The following LRMDA variants were observed in gnomAD, a reference collection of about 807,000 sequenced individuals.
LRMDA encodes the protein leucine rich melanocyte differentiation associated, also known as leucine-rich melanocyte differentiation-associated protein.
In LRMDA, 18 loss-of-function variants were observed where a neutral mutation model predicts 29.8. The ratio of observed to expected loss-of-function variants is 0.60; its 90% confidence interval spans 0.42 to 0.90. The LOEUF is 0.90. LRMDA is among the 40% of genes least tolerant of loss of function. The pLI, the probability that LRMDA is intolerant of heterozygous loss-of-function variation, is 0.00. For missense variants in LRMDA, 273 were observed against 273.9 expected (o/e 1.00, Z 0.02); for synonymous variants, 125 against 109.4 (o/e 1.14, Z -0.89).
intron 2 of LRMDA, among the ~76,000 whole-genome samples, chr10:75,809,748 A>G (rs1843923807): frequency 6.6e-6 from 1 of 152,200 alleles, no homozygotes; most frequent in African/African-American, 2.4e-5. Context: ...CAGTGGAAGG[A>G]TGTTGACTGA....
At chr10:76,165,173 A>G (rs921858931) in intron 5 of LRMDA, among the ~76,000 whole-genome samples, 2 of 152,108 alleles carry the variant, frequency 1.3e-5, no homozygotes, top group Admixed American at 1.3e-4. Context: ...GGGTTTCACT[A>G]TGTTGGCCAG....
At chr10:76,263,833 G>A (rs1839972518) in intron 5 of LRMDA, among the ~76,000 whole-genome samples, 1 of 152,106 alleles carries the variant, frequency 6.6e-6, no homozygotes, top group Admixed American at 6.5e-5. Context: ...ATGTTACAGT[G>A]GCAAAACCTC....
intron 2 of LRMDA, among the ~76,000 whole-genome samples, chr10:75,761,794 G>GC (rs1316294605): frequency 1.6e-5 from 2 of 121,712 alleles, no homozygotes; most frequent in Non-Finnish European, 3.4e-5. Context: ...GTATACTTTT[G>GC]TTTTTTTTTT....
intron 2 of LRMDA, among the ~76,000 whole-genome samples, chr10:75,707,618 C>G (rs903748260): frequency 1.3e-5 from 2 of 152,162 alleles, no homozygotes; most frequent in Non-Finnish European, 2.9e-5. Context: ...TGTCTTCTCC[C>G]CTTTGAGGCT....
intron 6 of LRMDA, among the ~76,000 whole-genome samples, chr10:76,480,062 C>T (rs1842720222): frequency 6.6e-6 from 1 of 151,904 alleles, no homozygotes; most frequent in Non-Finnish European, 1.5e-5. Flanking sequence ...TTAGGTTGAT[C>T]ATTATTATCC....
At position 75,939,937 on chromosome 10, in the gene LRMDA, C is replaced by G. The variant is rs145134347; in HGVS notation, c.132-96071C>G. 1.8e-4 allele frequency among the ~76,000 whole-genome samples: 27 copies of G among 152,236 alleles called. 1 individual carries two copies. Among genetic ancestry groups the G allele is most frequent in the East Asian group, 1.4e-3 (7 of 5,174 alleles). ...TGACATGTTTGTACCAACACACGTG[C>G]CTTTAGCAGAAGAAAGATAACATCA... On this transcript the variant is annotated intron_variant, in intron 2 of 6. Coordinates refer to ENST00000611255, the MANE Select transcript of LRMDA (RefSeq NM_001305581.2).
At chr10:75,994,840 C>T (rs1037446199) in intron 2 of LRMDA, among the ~76,000 whole-genome samples, 2 of 152,224 alleles carry the variant, frequency 1.3e-5, no homozygotes, top group African/African-American at 2.4e-5. Context: ...ACTCAACATA[C>T]AGCTGTCTGG....
At chr10:75,724,250 C>T (rs1332927102) in intron 2 of LRMDA, among the ~76,000 whole-genome samples, 1 of 152,164 alleles carries the variant, frequency 6.6e-6, no homozygotes, top group East Asian at 1.9e-4. Context: ...TTATCTTCAA[C>T]TACATTAGTC....
At chr10:75,824,585 T>G (rs530190540) in intron 2 of LRMDA, among the ~76,000 whole-genome samples, 2 of 152,220 alleles carry the variant, frequency 1.3e-5, no homozygotes, top group Admixed American at 6.5e-5. Context: ...CTCTTGTAGG[T>G]CACACTCTTA....
intron 2 of LRMDA, among the ~76,000 whole-genome samples, chr10:75,813,871 T>C (rs1440726897): frequency 6.6e-6 from 1 of 152,174 alleles, no homozygotes; most frequent in Non-Finnish European, 1.5e-5. Context: ...GACCTCTAGT[T>C]ACTGTCCTAG....
At position 76,280,788 on chromosome 10, in the gene LRMDA, C is replaced by G. The variant is rs572560012; in HGVS notation, c.517-43613C>G. On this transcript the variant is annotated intron_variant, in intron 5 of 6. Coordinates refer to ENST00000611255, the MANE Select transcript of LRMDA (RefSeq NM_001305581.2). Reference sequence around the variant, plus strand: ...AGAAAACCTCCGTAAAATCAGCCCTCAATAACTTTTCTAGGGAATGTGCCT... The same window carrying G: ...AGAAAACCTCCGTAAAATCAGCCCTGAATAACTTTTCTAGGGAATGTGCCT... Among the ~76,000 whole-genome samples the G allele has an allele frequency of 2.6e-5, 4 of 151,560 alleles. No homozygotes were observed. In the South Asian group the frequency reaches 8.3e-4, roughly 32 times the overall value.
intron 5 of LRMDA, among the ~76,000 whole-genome samples, chr10:76,078,734 G>A (rs1432424468): frequency 6.6e-6 from 1 of 152,160 alleles, no homozygotes; most frequent in East Asian, 1.9e-4. Context: ...TACTTGGGAG[G>A]CTGAGGCAGG....
chr10:76,509,861 G>T (rs182913912), intron 6 of LRMDA, among the ~76,000 whole-genome samples: 1 of 152,240 alleles, frequency 6.6e-6, no homozygotes, highest in Admixed American at 6.5e-5. Flanking sequence ...TGGGGGAAGG[G>T]ATTTTAGTCT....
chr10:75,613,824 A>C (rs558051716), intron 2 of LRMDA, among the ~76,000 whole-genome samples: 2 of 152,224 alleles, frequency 1.3e-5, no homozygotes, highest in African/African-American at 4.8e-5. Context: ...TAGTAATACT[A>C]TAGCGACTCA....
chr10:76,114,859 G>A (rs2132117616), intron 5 of LRMDA, among the ~76,000 whole-genome samples: 1 of 152,338 alleles, frequency 6.6e-6, no homozygotes, highest in East Asian at 1.9e-4. Flanking sequence ...CTTTCTGGAG[G>A]CCTTTGCCAG....
At chr10:75,633,936 A>G (rs147460530) in intron 2 of LRMDA, among the ~76,000 whole-genome samples, 19 of 152,296 alleles carry the variant, frequency 1.2e-4, no homozygotes, top group East Asian at 5.8e-4. Context: ...AGGAATATCT[A>G]TTTACGTGTT....
chr10:75,516,883 G>A (rs1845296256), intron 2 of LRMDA, among the ~76,000 whole-genome samples: 1 of 152,092 alleles, frequency 6.6e-6, no homozygotes, highest in African/African-American at 2.4e-5. Context: ...TGTATAAGGT[G>A]TAAGGAAGGG....
chr10:76,250,212 C>T (rs1852451117), intron 5 of LRMDA, among the ~76,000 whole-genome samples: 1 of 152,136 alleles, frequency 6.6e-6, no homozygotes, highest in East Asian at 1.9e-4. Flanking sequence ...TGCACTGATT[C>T]CCAAAGATCC....
intron 2 of LRMDA, among the ~76,000 whole-genome samples, chr10:75,802,508 G>A (rs1192515076): frequency 6.6e-6 from 1 of 152,166 alleles, no homozygotes; most frequent in Admixed American, 6.5e-5. Flanking sequence ...TTAATGATTA[G>A]CTAATTATAA....
Sources: gnomAD v4.1 joint callset for allele counts (sites outside exome capture counted in the v4.1 genomes callset) on GRCh38, gnomAD v4.1.1 for gene constraint, MANE v1.5 for transcripts, NCBI Gene and HGNC (gene_info 2026-07-23, HGNC 2026-07-21) for gene names.